The following GALNT8 variants were observed in gnomAD, a reference collection of about 807,000 sequenced individuals.
GALNT8 encodes polypeptide N-acetylgalactosaminyltransferase 8, also known as probable polypeptide N-acetylgalactosaminyltransferase 8.
GALNT8 carries 66 observed loss-of-function variants against 62.7 expected under a neutral mutation model. The ratio of observed to expected loss-of-function variants is 1.05; its 90% CI spans 0.86 to 1.29. The LOEUF (loss-of-function observed/expected upper bound fraction) is 1.29. Among genes scored for constraint, GALNT8 ranks in the 50% most tolerant of loss-of-function variants. The probability of loss-of-function intolerance (pLI) is 0.00; values close to 1 mark genes in which losing one functional copy is unlikely to be tolerated. For synonymous variants in GALNT8, 288 were observed against 294.3 expected, an observed-to-expected ratio of 0.98 and a Z score of 0.22; for missense variants, 771 against 791.8, an observed-to-expected ratio of 0.97 and a Z score of 0.32.
chr12:4,737,017 CTTATACA>C (rs2137525787), intron 2 of GALNT8, among the ~76,000 whole-genome samples: 1 of 152,206 alleles, frequency 6.6e-6, no homozygotes, highest in Admixed American at 6.5e-5. Flanking sequence ...TCAATAAAGA[CTTATACA>C]TTATAAAGAG....
chr12:4,754,165 C>G (rs1946334202), intron 6 of GALNT8, among the ~76,000 whole-genome samples: 1 of 152,112 alleles, frequency 6.6e-6, no homozygotes, highest in African/African-American at 2.4e-5. Context: ...GGGTCTCACT[C>G]AAGGCCTGCT....
chr12:4,753,578 T>G (rs1187866223), intron 6 of GALNT8, among the ~76,000 whole-genome samples: 2 of 152,210 alleles, frequency 1.3e-5, no homozygotes, highest in Non-Finnish European at 2.9e-5. Flanking sequence ...GAATTCCTTC[T>G]CTAATTATCT....
chr12:4,767,289 C>G (rs1005362511), intron 10 of GALNT8, among the ~76,000 whole-genome samples: 4 of 152,122 alleles, frequency 2.6e-5, no homozygotes, highest in Admixed American at 2.6e-4. Flanking sequence ...TTCTTTTCAT[C>G]ATTTGGCTGT....
At chr12:4,754,200 A>G (rs1946334478) in intron 6 of GALNT8, among the ~76,000 whole-genome samples, 1 of 151,930 alleles carries the variant, frequency 6.6e-6, no homozygotes, top group Non-Finnish European at 1.5e-5. Flanking sequence ...TGTACTTCCT[A>G]TGTTCCCTTG....
intron 7 of GALNT8, 47 bp from the exon 8 acceptor site, chr12:4,763,206 A>G: frequency 6.5e-7 from 1 of 1,548,780 alleles, no homozygotes; most frequent in African/African-American, 1.4e-5. Context: ...GCTTTAACAG[A>G]GCTTTCATGA....
intron 6 of GALNT8, among the ~76,000 whole-genome samples, chr12:4,759,387 A>G (rs1946361601): frequency 6.6e-6 from 1 of 151,424 alleles, no homozygotes; most frequent in African/African-American, 2.4e-5. Flanking sequence ...TGAAAACCCA[A>G]ATAGTGGCTG....
chr12:4,735,194 C>T (rs1736444203), intron 2 of GALNT8, among the ~76,000 whole-genome samples: 2 of 152,164 alleles, frequency 1.3e-5, no homozygotes, highest in Admixed American at 6.5e-5. Context: ...CTTTCCCTAG[C>T]AAAACAACTA....
intron 6 of GALNT8, among the ~76,000 whole-genome samples, chr12:4,757,162 T>G (rs1946349035): frequency 6.6e-6 from 1 of 152,224 alleles, no homozygotes; most frequent in African/African-American, 2.4e-5. Flanking sequence ...TGCTGAATTG[T>G]GAGTCAATGA....
chr12:4,739,433 A>C, intron 3 of GALNT8, 104 bp downstream of exon 3: 12 of 781,672 alleles, frequency 1.5e-5, no homozygotes, highest in Middle Eastern at 2.4e-4. Flanking sequence ...TGGGTTTCTC[A>C]TGTAGGGAAA....
intron 10 of GALNT8, among the ~76,000 whole-genome samples, chr12:4,769,773 C>G (rs1946414855): frequency 6.6e-6 from 1 of 152,036 alleles, no homozygotes; most frequent in South Asian, 2.1e-4. Context: ...TGAAAGCCAT[C>G]AGCGATCCTG....
rs1946259856 is a variant in GALNT8, at chr12:4,739,240, T to C, written c.587T>C (p.Ile196Thr). ...ATATTCGTGAATGAAGCTCTGTCCA[T>C]TATACAACGGGCCATCACCAGTATC... The part of the protein sequence containing the change: ...ILIFVNEALS[I>T]IQRAITSIIN... The change falls in exon 3 of 11, where the codon ATT becomes ACT. Residue 196 changes from isoleucine (I) to threonine (T), a missense_variant. Transcript: ENST00000252318. The C allele has an allele frequency of 6.2e-7, 1 of 1,612,948 alleles. No homozygotes were observed. The highest frequency in any genetic ancestry group is 1.1e-5 in the South Asian group (1 of 91,054).
chr12:4,738,126 A>AT (rs1214359726), intron 2 of GALNT8, among the ~76,000 whole-genome samples: 1 of 152,226 alleles, frequency 6.6e-6, no homozygotes, highest in Admixed American at 6.5e-5. Context: ...ACTTAAATTT[A>AT]TGATCAACTG....
chr12:4,746,425 C>A (rs557080233), intron 6 of GALNT8, among the ~76,000 whole-genome samples, 167 bp downstream of exon 6: 1 of 152,240 alleles, frequency 6.6e-6, no homozygotes, highest in Admixed American at 6.5e-5. Context: ...AATAGGACTT[C>A]TGGAGTGGAC....
chr12:4,721,114 ATG>A (rs565343806), intron 1 of GALNT8, among the ~76,000 whole-genome samples: 5 of 151,860 alleles, frequency 3.3e-5, no homozygotes, highest in Non-Finnish European at 7.4e-5. Context: ...GGAGGTGAGC[ATG>A]TGTGTGTGTA....
intron 10 of GALNT8, 38 bp downstream of exon 10, chr12:4,765,584 T>G: frequency 6.7e-7 from 1 of 1,497,498 alleles, no homozygotes; most frequent in Non-Finnish European, 9.2e-7. Flanking sequence ...TTGTTTGTTT[T>G]GTTTTGTTTT....
At position 4,720,836 on chromosome 12, in the gene GALNT8, C is replaced by T. The variant is rs749316788; in HGVS notation, c.159C>T (p.Tyr53=). ...RELPLHLNKR[Y]GAVIKRLSHL... is the part of the protein sequence containing the mutation. ...TTCCTTTACATCTGAATAAACGCTA[C>T]GGGGCAGTGATAAAGAGACTCTCCC... Residue 53 remains tyrosine (Y), a synonymous_variant, in exon 1 of 11, where the codon TAC becomes TAT. Transcript: ENST00000252318. 1.9e-5 allele frequency: 30 copies of T among 1,610,284 alleles called. No individual in the cohort carries two copies. The highest frequency in any genetic ancestry group is 1.2e-4 in the Admixed American group (7 of 59,990).
chr12:4,724,453 G>T (rs574033105), intron 1 of GALNT8, among the ~76,000 whole-genome samples: 4 of 152,236 alleles, frequency 2.6e-5, no homozygotes, highest in African/African-American at 7.2e-5. Context: ...AGGATGGCCA[G>T]GTCCAAACCA....
chr12:4,767,819 T>A (rs1007601401), intron 10 of GALNT8, among the ~76,000 whole-genome samples: 3 of 152,234 alleles, frequency 2.0e-5, no homozygotes, highest in African/African-American at 7.2e-5. Context: ...ATTCAAGTTA[T>A]AAATTAAAAC....
chr12:4,729,713 A>G (rs1380910311), intron 2 of GALNT8, among the ~76,000 whole-genome samples: 3 of 152,212 alleles, frequency 2.0e-5, no homozygotes, highest in East Asian at 3.9e-4. Context: ...TCTCTCTTCA[A>G]TATACTAATT....
Sources: allele counts gnomAD v4.1 joint callset (sites outside exome capture counted in the v4.1 genomes callset), GRCh38; gene constraint gnomAD v4.1.1; transcripts MANE v1.5; gene names NCBI Gene and HGNC (gene_info 2026-07-23, HGNC 2026-07-21).